The following SPMIP2 variants were observed in gnomAD, a reference collection of about 807,000 sequenced individuals.
SPMIP2 encodes the protein protein SPMIP2.
At chr4:159,013,601 A>C in the SPMIP2 span, among the ~76,000 whole-genome samples, 7 of 151,984 alleles carry the variant, frequency 4.6e-5, no homozygotes, top group African/African-American at 1.7e-4. Context: ...TCTTATAAGG[A>C]TACCAGTTTC....
chr4:158,955,878 T>A, the SPMIP2 span, among the ~76,000 whole-genome samples: 6,969 of 152,330 alleles, frequency 0.046, 536 homozygotes, highest in African/African-American at 0.16. Flanking sequence ...AATTGTGCTC[T>A]AACTGAATTT....
At chr4:159,021,976 G>T in the SPMIP2 span, among the ~76,000 whole-genome samples, 1 of 152,160 alleles carries the variant, frequency 6.6e-6, no homozygotes, top group Non-Finnish European at 1.5e-5. Context: ...TCCTTGGTAT[G>T]ATCTGGAATC....
the SPMIP2 span, among the ~76,000 whole-genome samples, chr4:158,936,383 C>T: frequency 5.3e-5 from 8 of 152,294 alleles, no homozygotes; most frequent in East Asian, 1.9e-4. Flanking sequence ...AGCATCAGAA[C>T]GTGATGTAAC....
chr4:158,920,412 C>T, the SPMIP2 span, among the ~76,000 whole-genome samples: 3 of 152,106 alleles, frequency 2.0e-5, no homozygotes, highest in Non-Finnish European at 2.9e-5. Flanking sequence ...TATAAATGGA[C>T]GTGCAAGTAG....
chr4:159,012,183 CA>C, the SPMIP2 span, among the ~76,000 whole-genome samples: 4 of 152,024 alleles, frequency 2.6e-5, no homozygotes, highest in African/African-American at 9.7e-5. Context: ...GTAGGAGGAT[CA>C]CTTGAGCCCA....
At chr4:159,068,296 G>A in the SPMIP2 span, among the ~76,000 whole-genome samples, 7 of 152,292 alleles carry the variant, frequency 4.6e-5, no homozygotes, top group South Asian at 1.2e-3. Context: ...TTCAGAAAAT[G>A]TGGCACATAT....
the SPMIP2 span, among the ~76,000 whole-genome samples, chr4:159,006,028 G>T: frequency 1.3e-5 from 2 of 152,192 alleles, no homozygotes; most frequent in Non-Finnish European, 2.9e-5. Flanking sequence ...GCCTCCCAAA[G>T]GCTGGGGTTA....
the SPMIP2 span, among the ~76,000 whole-genome samples, chr4:158,933,779 A>C: frequency 6.6e-6 from 1 of 152,046 alleles, no homozygotes. Context: ...TATTTTCTAG[A>C]ATTCTACCCT....
chr4:158,923,952 T>A, the SPMIP2 span, among the ~76,000 whole-genome samples: 3 of 152,154 alleles, frequency 2.0e-5, no homozygotes, highest in African/African-American at 7.2e-5. Flanking sequence ...ATAGGACCTA[T>A]AAGGAGATAA....
At chr4:158,954,518 T>A in the SPMIP2 span, among the ~76,000 whole-genome samples, 1 of 152,232 alleles carries the variant, frequency 6.6e-6, no homozygotes. Context: ...TCCAAACTTG[T>A]TTGCCTTTAA....
At chr4:158,916,976 C>T in the SPMIP2 span, among the ~76,000 whole-genome samples, 1 of 151,014 alleles carries the variant, frequency 6.6e-6, no homozygotes. Flanking sequence ...TCCTGCTGGG[C>T]ATGGTGGCTC....
chr4:159,035,918 A>T, the SPMIP2 span, among the ~76,000 whole-genome samples: 22 of 152,130 alleles, frequency 1.4e-4, no homozygotes, highest in Non-Finnish European at 2.9e-5. Flanking sequence ...CACTTCAATT[A>T]TTTGTCTATT....
At chr4:158,931,810 A>G in the SPMIP2 span, among the ~76,000 whole-genome samples, 1 of 151,940 alleles carries the variant, frequency 6.6e-6, no homozygotes, top group Non-Finnish European at 1.5e-5. Context: ...TGATCTGCCC[A>G]CCTTGGCCTC....
chr4:158,908,730 A>T, the SPMIP2 span, among the ~76,000 whole-genome samples: 1 of 152,212 alleles, frequency 6.6e-6, no homozygotes, highest in African/African-American at 2.4e-5. Context: ...CTTATTGCCC[A>T]AGCTGGAGTG....
chr4:158,960,593 G>A, the SPMIP2 span, among the ~76,000 whole-genome samples: 4 of 152,130 alleles, frequency 2.6e-5, no homozygotes, highest in Non-Finnish European at 4.4e-5. Flanking sequence ...AGGGTGCTGG[G>A]TAGGAAGAAG....
At chr4:158,930,296 C>CGA in the SPMIP2 span, among the ~76,000 whole-genome samples, 1 of 151,788 alleles carries the variant, frequency 6.6e-6, no homozygotes, top group African/African-American at 2.4e-5. Flanking sequence ...AGTGAAGCCT[C>CGA]GACTTTCCAA....
chr4:158,973,238 C>T, the SPMIP2 span: 129 of 1,613,688 alleles, frequency 8.0e-5, no homozygotes, highest in Admixed American at 1.8e-3. Flanking sequence ...TTTTTTCTAA[C>T]GCCAGATGCT....
chr4:158,991,463 G>A, the SPMIP2 span, among the ~76,000 whole-genome samples: 6 of 152,318 alleles, frequency 3.9e-5, no homozygotes, highest in South Asian at 4.1e-4. Flanking sequence ...GATGGTCAAC[G>A]TGTAACAAGA....
At chr4:159,049,318 G>A in the SPMIP2 span, among the ~76,000 whole-genome samples, 2 of 152,134 alleles carry the variant, frequency 1.3e-5, no homozygotes, top group South Asian at 4.1e-4. Context: ...TGTTTTACTG[G>A]TTTCCTAAAA....
Sources: gnomAD v4.1 joint callset for allele counts (sites outside exome capture counted in the v4.1 genomes callset) on GRCh38, gnomAD v4.1.1 for gene constraint, MANE v1.5 for transcripts, NCBI Gene and HGNC (gene_info 2026-07-23, HGNC 2026-07-21) for gene names.